Variants in PDZD2 observed in about 807,000 individuals in gnomAD.
PDZD2 encodes PDZ domain-containing protein 2.
Under a neutral mutation model 220.7 loss-of-function variants are expected in PDZD2, and 90 were observed. The ratio of observed to expected loss-of-function variants is 0.41; its 90% CI spans 0.34 to 0.49. PDZD2 has a LOEUF of 0.49. Among genes scored for constraint, PDZD2 ranks in the 20% least tolerant of loss-of-function variants. The probability of loss-of-function intolerance (pLI) is 0.28; values close to 1 mark genes in which losing one functional copy is unlikely to be tolerated. For missense variants in PDZD2, 3,174 were observed against 3,608.5 expected, an observed-to-expected ratio of 0.88 and a Z score of 3.08; for synonymous variants, 1,375 against 1,450.5, an observed-to-expected ratio of 0.95 and a Z score of 1.18.
chr5:31,717,834 C>T (rs1748545338), intron 1 of PDZD2, among the ~76,000 whole-genome samples: 2 of 152,280 alleles, frequency 1.3e-5, no homozygotes, highest in South Asian at 4.2e-4. Context: ...GCTTTGCCAC[C>T]CAGGGAGTCT....
At chr5:31,810,060 G>A (rs1754998180) in intron 2 of PDZD2, among the ~76,000 whole-genome samples, 1 of 152,180 alleles carries the variant, frequency 6.6e-6, no homozygotes, top group African/African-American at 2.4e-5. Context: ...AGAGAAGAAA[G>A]ATAAAAGCAT....
rs1323647056 is a variant in PDZD2 at position 32,083,539 on chromosome 5, G to A, written c.3683-3592G>A. ...ACGTTTCCAGAGAAAAGGTTGTCTT[G>A]AAAGGTGACAACCAAAGGCTGCCTC... On this transcript the variant is annotated intron_variant, in intron 19 of 24. Coordinates refer to ENST00000438447, the MANE Select transcript of PDZD2 (RefSeq NM_178140.4). This position sits in a 1 kb window ranked among gnomAD's most constrained non-coding sequence, Gnocchi z 4.1. 1.3e-5 allele frequency: 2 copies of A among 152,194 alleles called. No homozygotes were observed. The highest frequency in any genetic ancestry group is 4.8e-5 in the African/African-American group (2 of 41,440). 9.4% of individuals were successfully genotyped at this position (152,194 alleles called of 1,614,324 possible). A position where few individuals can be genotyped will look rare whatever the true frequency, so the allele number is the denominator to read the frequency against.
intron 2 of PDZD2, among the ~76,000 whole-genome samples, chr5:31,862,384 A>G (rs62361587): frequency 0.042 from 6,398 of 152,042 alleles, 162 homozygotes; most frequent in Non-Finnish European, 0.054. Flanking sequence ...AATTACAGGC[A>G]TGAGCCACCA....
At chr5:32,059,105 C>A in intron 12 of PDZD2, 134 bp from the exon 13 acceptor site, 1 of 585,410 alleles carries the variant, frequency 1.7e-6, no homozygotes, top group African/African-American at 1.9e-5. Flanking sequence ...GCTGGATTTA[C>A]ATTCTGAGTC....
intron 1 of PDZD2, among the ~76,000 whole-genome samples, chr5:31,760,958 G>T (rs898149510): frequency 1.3e-5 from 2 of 152,078 alleles, no homozygotes; most frequent in Non-Finnish European, 2.9e-5. Context: ...GCAAACATTT[G>T]TTGAGTGGAA....
In PDZD2 at chr5:32,000,220, G is replaced by A. The variant is rs749885999; in HGVS notation, c.1203G>A (p.Val401=). The A allele has an allele frequency of 1.6e-5, 26 of 1,613,986 alleles. No individual in the cohort carries two copies. Among genetic ancestry groups the A allele is most frequent in the Non-Finnish European group, 1.9e-5 (23 of 1,179,970 alleles). ...TCGGGCTCTCCCACGAGGAAGCAGTGGCCATTCTTCGCTCCGCCACGGGAA... is the reference window on the plus strand; with the variant it reads ...TCGGGCTCTCCCACGAGGAAGCAGTAGCCATTCTTCGCTCCGCCACGGGAA... The part of the protein sequence containing the change: ...LLVGLSHEEA[V]AILRSATGMV... Residue 401 remains valine (V), a synonymous_variant, in exon 5 of 25, where the codon GTG becomes GTA. Coordinates refer to ENST00000438447, the MANE Select transcript of PDZD2 (RefSeq NM_178140.4). The surrounding 1 kb of genome is among the most constrained non-coding windows in gnomAD (Gnocchi z 4.5).
At chr5:31,983,991 T>A (rs1164295985) in intron 3 of PDZD2, among the ~76,000 whole-genome samples, 1 of 152,230 alleles carries the variant, frequency 6.6e-6, no homozygotes, top group Non-Finnish European at 1.5e-5. Context: ...CCAGATAAAG[T>A]ACTTCACTGC....
rs1561624788 is a variant in PDZD2 at position 32,108,293 on chromosome 5, T to C, written c.*158T>C. The C allele has an allele frequency of 2.0e-6, 1 of 493,934 alleles. No homozygotes were observed. Among genetic ancestry groups the C allele is most frequent in the Non-Finnish European group, 3.5e-6 (1 of 284,498 alleles). The allele number at this position is 493,934 out of a possible 1,614,324, so 30.6% of individuals were successfully genotyped here. ...ACACATGAAGCCTGACTTAACTGTATGTGCAACAGCAATGAAATTAACTCC... is the reference window on the plus strand; with the variant it reads ...ACACATGAAGCCTGACTTAACTGTACGTGCAACAGCAATGAAATTAACTCC... On this transcript the variant is annotated 3_prime_UTR_variant, in exon 25 of 25. Coordinates refer to ENST00000438447, the MANE Select transcript of PDZD2 (RefSeq NM_178140.4).
At chr5:32,036,537 G>A (rs1184114410) in intron 6 of PDZD2, among the ~76,000 whole-genome samples, 2 of 152,084 alleles carry the variant, frequency 1.3e-5, no homozygotes, top group Non-Finnish European at 2.9e-5. Context: ...CTAGGATGGA[G>A]GACCCAGTGA....
At chr5:31,643,300 A>G (rs1020986284) in intron 1 of PDZD2, among the ~76,000 whole-genome samples, 1 of 152,202 alleles carries the variant, frequency 6.6e-6, no homozygotes, top group African/African-American at 2.4e-5. Flanking sequence ...TACTCTGAGC[A>G]GTTGGGTCTC....
At chr5:31,880,492 G>A (rs951927455) in intron 2 of PDZD2, among the ~76,000 whole-genome samples, 1 of 152,120 alleles carries the variant, frequency 6.6e-6, no homozygotes, top group Non-Finnish European at 1.5e-5. Flanking sequence ...TGAACAGAAT[G>A]TTTTCTCTTT....
At chr5:31,885,554 A>T (rs900139269) in intron 2 of PDZD2, among the ~76,000 whole-genome samples, 1 of 152,256 alleles carries the variant, frequency 6.6e-6, no homozygotes, top group Non-Finnish European at 1.5e-5. Context: ...ATGTAAGTCC[A>T]CATTACAGAA....
chr5:31,999,224 T>C (rs1271570118), intron 4 of PDZD2, among the ~76,000 whole-genome samples: 1 of 151,586 alleles, frequency 6.6e-6, no homozygotes, highest in Admixed American at 6.6e-5. Flanking sequence ...AGGCAGTTTA[T>C]TTGTTCTTTT....
chr5:32,017,875 G>T (rs1753893718), intron 6 of PDZD2, among the ~76,000 whole-genome samples: 1 of 152,204 alleles, frequency 6.6e-6, no homozygotes, highest in South Asian at 2.1e-4. Context: ...GAGTGTCAGA[G>T]ATGTGGGTTG....
chr5:32,105,199 A>G (rs1172764584), intron 24 of PDZD2, among the ~76,000 whole-genome samples: 2 of 152,246 alleles, frequency 1.3e-5, no homozygotes, highest in Non-Finnish European at 2.9e-5. Flanking sequence ...TAATTCAGTA[A>G]GAAAAATACA....
chr5:31,828,266 AATTGTTTCTCAGGACT>A lies in PDZD2; in HGVS notation c.476+28546_476+28561del, dbSNP rs531822780. On this transcript the variant is annotated intron_variant, in intron 2 of 24. Coordinates refer to ENST00000438447, the MANE Select transcript of PDZD2 (RefSeq NM_178140.4). Reference sequence around the variant, plus strand: ...TGTGTAACTTTTTGAGAAATCTCCAAATTGTTTCTCAGGACTATTTTACATCCCCACCAGCAGTGTA... The same window carrying A: ...TGTGTAACTTTTTGAGAAATCTCCAAATTTTACATCCCCACCAGCAGTGTA... Among the ~76,000 whole-genome samples the A allele has an allele frequency of 1.8e-4, 27 of 152,196 alleles. No homozygotes were observed. In the South Asian group the frequency reaches 5.6e-3, roughly 32 times the overall value.
At chr5:31,749,288 C>T (rs914311431) in intron 1 of PDZD2, among the ~76,000 whole-genome samples, 1 of 152,120 alleles carries the variant, frequency 6.6e-6, no homozygotes, top group Non-Finnish European at 1.5e-5. Context: ...TGTTTGTTTT[C>T]CATGCCTTGT....
chr5:32,046,979 G>T (rs1237202574), intron 7 of PDZD2, among the ~76,000 whole-genome samples: 7 of 152,008 alleles, frequency 4.6e-5, no homozygotes, highest in Admixed American at 2.0e-4. Context: ...GGAGGTGGAG[G>T]TTGCAGTGAG....
intron 1 of PDZD2, among the ~76,000 whole-genome samples, chr5:31,641,805 T>C (rs960259887): frequency 4.6e-5 from 7 of 152,104 alleles, no homozygotes; most frequent in African/African-American, 1.7e-4. Flanking sequence ...CTCGTTCTGC[T>C]CCTACACAAC....
Sources: gnomAD v4.1 joint callset for allele counts (sites outside exome capture counted in the v4.1 genomes callset) on GRCh38, gnomAD v4.1.1 for gene constraint, Gnocchi (gnomAD v3.1) non-coding constraint, MANE v1.5 for transcripts, NCBI Gene and HGNC (gene_info 2026-07-23, HGNC 2026-07-21) for gene names.